ZFPM2: variants seen among roughly 807,000 people sequenced by gnomAD.
The protein encoded by ZFPM2 is zinc finger protein ZFPM2.
In ZFPM2, 20 loss-of-function variants were observed where a neutral mutation model predicts 98.6. That is an observed-to-expected ratio of 0.20 (90% confidence interval 0.14 to 0.29). The LOEUF is 0.29. Ranked by LOEUF, ZFPM2 falls within the 10% of genes least tolerant of loss-of-function variation. ZFPM2 has a pLI of 1.00. For missense variants in ZFPM2, 1,310 were observed against 1,388.6 expected, an observed-to-expected ratio of 0.94 and a Z score of 0.90; for synonymous variants, 518 against 502.7, an observed-to-expected ratio of 1.03 and a Z score of -0.41.
At chr8:105,713,673 A>G (rs1315583962) in intron 5 of ZFPM2, among the ~76,000 whole-genome samples, 2 of 152,056 alleles carry the variant, frequency 1.3e-5, no homozygotes, top group East Asian at 1.9e-4. Context: ...TCCAGGCTGC[A>G]TATGCTTAAC....
chr8:105,364,643 T>C (rs1810474425), intron 1 of ZFPM2, among the ~76,000 whole-genome samples: 1 of 149,750 alleles, frequency 6.7e-6, no homozygotes, highest in South Asian at 2.1e-4. Flanking sequence ...ATAGTATCCA[T>C]GCTGCAAGAA....
rs757334248 is a variant in ZFPM2, at chr8:105,548,470, GT to G, written c.302-12884del. Among the ~76,000 whole-genome samples, 1,417 of 150,474 alleles carry G rather than the reference GT, an allele frequency of 9.4e-3. 7 individuals carry two copies. The highest frequency in any genetic ancestry group is 0.013 in the African/African-American group (528 of 41,034). On this transcript the variant is annotated intron_variant, in intron 3 of 7. Transcript: ENST00000407775. Reference sequence around the variant, plus strand: ...GTTATGATTTCATGGTCTTAAAACTGTTTTTTTTTACAACAAATTCCAGCAA... The same window carrying G: ...GTTATGATTTCATGGTCTTAAAACTGTTTTTTTTACAACAAATTCCAGCAA...
At chr8:105,749,460 C>T (rs1429586682) in intron 5 of ZFPM2, among the ~76,000 whole-genome samples, 1 of 152,022 alleles carries the variant, frequency 6.6e-6, no homozygotes, top group Non-Finnish European at 1.5e-5. Context: ...TGCATTACTT[C>T]CTCCCCAGGC....
chr8:105,506,644 A>G (rs995159843), intron 3 of ZFPM2, among the ~76,000 whole-genome samples: 1 of 152,168 alleles, frequency 6.6e-6, no homozygotes, highest in African/African-American at 2.4e-5. Context: ...TCTGCAAAAG[A>G]TGTATTCACT....
At chr8:105,452,828 G>A (rs1232133550) in intron 3 of ZFPM2, among the ~76,000 whole-genome samples, 3 of 152,022 alleles carry the variant, frequency 2.0e-5, no homozygotes, top group Non-Finnish European at 4.4e-5. Context: ...ATTTATATTG[G>A]ACCAGAGATT....
chr8:105,667,206 T>C (rs1018564963), intron 5 of ZFPM2, among the ~76,000 whole-genome samples: 3 of 152,172 alleles, frequency 2.0e-5, no homozygotes, highest in Non-Finnish European at 4.4e-5. Flanking sequence ...CAAGCAAAAA[T>C]TAGAATTTTT....
chr8:105,795,507 A>AAAAG (rs1177618863), intron 6 of ZFPM2, among the ~76,000 whole-genome samples: 2 of 152,158 alleles, frequency 1.3e-5, no homozygotes, highest in African/African-American at 2.4e-5. Context: ...AAACTTGAAA[A>AAAAG]AAAGAAACAA....
At chr8:105,518,314 T>C (rs1813980132) in intron 3 of ZFPM2, among the ~76,000 whole-genome samples, 2 of 152,178 alleles carry the variant, frequency 1.3e-5, no homozygotes, top group Admixed American at 1.3e-4. Context: ...GTGGATCTAT[T>C]AACATAGATA....
intron 5 of ZFPM2, among the ~76,000 whole-genome samples, chr8:105,703,037 T>G (rs1811174616): frequency 1.3e-5 from 2 of 152,102 alleles, no homozygotes; most frequent in Non-Finnish European, 2.9e-5. Flanking sequence ...AGGAATGAGT[T>G]TTGCTTGGAC....
At chr8:105,589,276 C>A (rs1367272660) in intron 4 of ZFPM2, among the ~76,000 whole-genome samples, 1 of 152,294 alleles carries the variant, frequency 6.6e-6, no homozygotes, top group East Asian at 1.9e-4. Flanking sequence ...TTAAAAATGA[C>A]AATCCCCAAT....
At chr8:105,365,802 C>A (rs944344563) in intron 1 of ZFPM2, among the ~76,000 whole-genome samples, 1 of 152,126 alleles carries the variant, frequency 6.6e-6, no homozygotes, top group Admixed American at 6.6e-5. Flanking sequence ...CTTCGATATG[C>A]AAAACAGACA....
intron 5 of ZFPM2, among the ~76,000 whole-genome samples, chr8:105,735,326 G>C (rs917729514): frequency 6.6e-6 from 1 of 151,392 alleles, no homozygotes; most frequent in Non-Finnish European, 1.5e-5. Context: ...TAATTCTCTA[G>C]AGGGTTCAAA....
chr8:105,762,101 T>A (rs527452421), intron 5 of ZFPM2, among the ~76,000 whole-genome samples: 1 of 152,078 alleles, frequency 6.6e-6, no homozygotes, highest in South Asian at 2.1e-4. Context: ...GACAAATAAT[T>A]TAAGTTTCGG....
chr8:105,738,010 G>T (rs564190274), intron 5 of ZFPM2, among the ~76,000 whole-genome samples: 116 of 151,946 alleles, frequency 7.6e-4, no homozygotes, highest in African/African-American at 2.1e-3. Context: ...AAGTTTTTTT[G>T]ATAGTTTTTT....
At chr8:105,650,330 C>T (rs1586174143) in intron 5 of ZFPM2, among the ~76,000 whole-genome samples, 1 of 152,068 alleles carries the variant, frequency 6.6e-6, no homozygotes, top group South Asian at 2.1e-4. Flanking sequence ...AAAACCAGCT[C>T]CTGGATTCAT....
intron 5 of ZFPM2, among the ~76,000 whole-genome samples, chr8:105,787,949 G>A (rs974827628): frequency 2.6e-5 from 4 of 152,144 alleles, no homozygotes; most frequent in Admixed American, 6.5e-5. Flanking sequence ...ACATGTGATC[G>A]TTGACATGCA....
chr8:105,517,742 C>CACACACACACACACACACACACACACA (rs1586430844), intron 3 of ZFPM2, among the ~76,000 whole-genome samples: 1 of 150,104 alleles, frequency 6.7e-6, no homozygotes, highest in African/African-American at 2.5e-5. Context: ...CACACACACA[C>CACACACACACACACACACACACACACA]CCCTAGTTGG....
intron 5 of ZFPM2, among the ~76,000 whole-genome samples, chr8:105,738,614 T>G (rs1036970880): frequency 5.3e-5 from 8 of 152,074 alleles, no homozygotes; most frequent in African/African-American, 1.9e-4. Context: ...TCTGCAATGG[T>G]TGAACTAATT....
intron 3 of ZFPM2, among the ~76,000 whole-genome samples, chr8:105,475,608 A>G (rs1421517004): frequency 6.6e-6 from 1 of 152,204 alleles, no homozygotes; most frequent in African/African-American, 2.4e-5. Context: ...ATTTTAGATA[A>G]ATTTGGATAT....
Sources: allele counts gnomAD v4.1 joint callset (sites outside exome capture counted in the v4.1 genomes callset), GRCh38; gene constraint gnomAD v4.1.1; transcripts MANE v1.5; gene names NCBI Gene and HGNC (gene_info 2026-07-23, HGNC 2026-07-21).